Variants in RALB observed in about 807,000 individuals in gnomAD.
The protein encoded by RALB is RAS like proto-oncogene B.
A neutral mutation model predicts 21.3 loss-of-function variants in RALB; 16 were observed. The ratio of observed to expected loss-of-function variants is 0.75; its 90% CI spans 0.51 to 1.14. The LOEUF is 1.14. RALB is among the 50% of genes most tolerant of loss of function. The pLI is 0.00. For missense variants in RALB, 161 were observed against 256.2 expected, an observed-to-expected ratio of 0.63 and a Z score of 2.54; for synonymous variants, 93 against 96.1, an observed-to-expected ratio of 0.97 and a Z score of 0.19.
At chr2:120,287,123 TC>T (rs1159599984) in intron 3 of RALB, among the ~76,000 whole-genome samples, 1 of 152,240 alleles carries the variant, frequency 6.6e-6, no homozygotes, top group African/African-American at 2.4e-5. Flanking sequence ...TTTTCATTCT[TC>T]AGCAAGTTCT....
upstream of RALB, among the ~76,000 whole-genome samples, chr2:120,252,304 C>G (rs1689071753): frequency 6.6e-6 from 1 of 152,216 alleles, no homozygotes; most frequent in African/African-American, 2.4e-5. Flanking sequence ...CTCCGCCATG[C>G]ACTCACTAAC....
intron 1 of RALB, among the ~76,000 whole-genome samples, chr2:120,276,866 G>C (rs772462493): frequency 6.6e-6 from 1 of 152,190 alleles, no homozygotes; most frequent in Non-Finnish European, 1.5e-5. Flanking sequence ...CATTGAACTA[G>C]TTCTAGGGTC....
intron 1 of RALB, among the ~76,000 whole-genome samples, chr2:120,266,348 G>A (rs1318663095): frequency 2.0e-5 from 3 of 152,198 alleles, no homozygotes; most frequent in South Asian, 2.1e-4. Flanking sequence ...GGGTTCAAGC[G>A]ATTATCCTGC....
intron 1 of RALB, among the ~76,000 whole-genome samples, chr2:120,277,256 A>C (rs1452841908): frequency 6.6e-6 from 1 of 152,002 alleles, no homozygotes; most frequent in African/African-American, 2.4e-5. Flanking sequence ...AAAGTGTATG[A>C]GAGCATAAGA....
At chr2:120,271,124 C>T (rs894446332) in intron 1 of RALB, among the ~76,000 whole-genome samples, 3 of 152,202 alleles carry the variant, frequency 2.0e-5, no homozygotes, top group Non-Finnish European at 4.4e-5. Flanking sequence ...TTGGACACGA[C>T]TTACCAACGC....
chr2:120,291,435 A>T (rs954138448), intron 4 of RALB, among the ~76,000 whole-genome samples: 102 of 152,244 alleles, frequency 6.7e-4, no homozygotes, highest in African/African-American at 2.3e-3. Flanking sequence ...GGCTCATTTT[A>T]AAAAAATCAG....
intron 1 of RALB, among the ~76,000 whole-genome samples, chr2:120,275,701 A>G (rs1689775821): frequency 6.6e-6 from 1 of 152,134 alleles, no homozygotes; most frequent in South Asian, 2.1e-4. Context: ...GTCAGCAGTA[A>G]GGGAAATAGG....
intron 1 of RALB, among the ~76,000 whole-genome samples, chr2:120,278,214 G>C (rs1326961806): frequency 6.6e-6 from 1 of 152,154 alleles, no homozygotes; most frequent in Admixed American, 6.5e-5. Flanking sequence ...TAAAGCTAAA[G>C]AGCTGGGGAT....
chr2:120,250,803 T>C (rs1051435204), upstream of RALB, among the ~76,000 whole-genome samples: 4 of 152,122 alleles, frequency 2.6e-5, no homozygotes, highest in African/African-American at 9.7e-5. Context: ...CCTTCTCCCG[T>C]TGGGACACGT....
chr2:120,293,352 C>G lies in RALB; in HGVS notation c.*92C>G, dbSNP rs1033200284. 7.6e-7 allele frequency: 1 copy of G among 1,313,744 alleles called. No individual in the cohort carries two copies. The highest frequency in any genetic ancestry group is 1.5e-5 in the African/African-American group (1 of 65,160). The allele number at this position is 1,313,744 out of a possible 1,614,324, so 81.4% of individuals were successfully genotyped here. Reference sequence around the variant, plus strand: ...TATGGTTGACTTCTTGCTTGTGCTTCCCACTCTCCCCGACTTCATTCACTC... The same window carrying G: ...TATGGTTGACTTCTTGCTTGTGCTTGCCACTCTCCCCGACTTCATTCACTC... On this transcript the variant is annotated 3_prime_UTR_variant, in exon 5 of 5. Coordinates refer to ENST00000272519, the MANE Select transcript of RALB (RefSeq NM_002881.3).
intron 1 of RALB, among the ~76,000 whole-genome samples, chr2:120,268,309 C>T (rs967200925): frequency 4.3e-5 from 5 of 115,364 alleles, no homozygotes; most frequent in Non-Finnish European, 8.2e-5. Flanking sequence ...CCTCGGCCTC[C>T]TTCCTGTAGC....
chr2:120,291,469 G>A (rs1225450256), intron 4 of RALB, among the ~76,000 whole-genome samples: 1 of 152,152 alleles, frequency 6.6e-6, no homozygotes, highest in Non-Finnish European at 1.5e-5. Context: ...GCTTGGAACT[G>A]TGGATGTGTA....
rs377379125 is a variant in RALB, at chr2:120,258,771, TC to T, written c.-48+5793del. ...GAGGCAATGGGAGTCAAAAATGACT[TC>T]CAGGTCCCTGGCTTTGGTAACGATA... On this transcript the variant is annotated intron_variant, in intron 1 of 4. Coordinates refer to ENST00000272519, the MANE Select transcript of RALB (RefSeq NM_002881.3). Among the ~76,000 whole-genome samples, 14 of 152,352 alleles carry T rather than the reference TC, an allele frequency of 9.2e-5. No homozygotes were observed. In the South Asian group the frequency reaches 2.5e-3, roughly 27 times the overall value.
chr2:120,257,769 C>T (rs75330676), intron 1 of RALB, among the ~76,000 whole-genome samples: 12,124 of 152,246 alleles, frequency 0.08, 646 homozygotes, highest in Non-Finnish European at 0.12. Context: ...TCTTTTCTTT[C>T]ATTCTACTTT....
In RALB at chr2:120,294,405, A is replaced by T. The variant is rs1404514816; in HGVS notation, c.*1145A>T. The T allele has an allele frequency of 5.0e-6, 2 of 397,702 alleles. No individual in the cohort carries two copies. Among genetic ancestry groups the T allele is most frequent in the Admixed American group, 8.8e-5 (2 of 22,708 alleles). 24.6% of individuals were successfully genotyped at this position (397,702 alleles called of 1,614,324 possible). A position where few individuals can be genotyped will look rare whatever the true frequency, so the allele number is the denominator to read the frequency against. The stretch of plus-strand genomic sequence containing the variant: ...AAGATAGCCAGATAGTTAGAAAAAG[A>T]TTTTCATTGATGACATATCTTTAAA... On this transcript the variant is annotated 3_prime_UTR_variant, in exon 5 of 5. Transcript: ENST00000272519.
Position 120,294,461 on chromosome 2 carries a change from A to C in RALB, c.*1201A>C, listed in dbSNP as rs1350138994. 2 of 392,496 alleles carry C rather than the reference A, an allele frequency of 5.1e-6. No individual in the cohort carries two copies. Among genetic ancestry groups the C allele is most frequent in the Non-Finnish European group, 9.0e-6 (2 of 222,742 alleles). 24.3% of individuals were successfully genotyped at this position (392,496 alleles called of 1,614,324 possible). ...TTGCATCAGTATTCTAAATTGAGCA[A>C]ACTGAAAGATTTTCATCAGGAAAGG... On this transcript the variant is annotated 3_prime_UTR_variant, in exon 5 of 5. Coordinates refer to ENST00000272519, the MANE Select transcript of RALB (RefSeq NM_002881.3).
chr2:120,288,468 A>T (rs1304001994), intron 3 of RALB, among the ~76,000 whole-genome samples: 1 of 147,312 alleles, frequency 6.8e-6, no homozygotes, highest in African/African-American at 2.5e-5. Flanking sequence ...TACAGATGTG[A>T]GCCACCACGC....
At chr2:120,247,888 A>G (rs1573316268), upstream of RALB, among the ~76,000 whole-genome samples, 1 of 152,032 alleles carries the variant, frequency 6.6e-6, no homozygotes, top group Non-Finnish European at 1.5e-5. Flanking sequence ...TCCTCTAAAG[A>G]CCTCCCACAG....
chr2:120,268,859 G>C (rs961997576), intron 1 of RALB, among the ~76,000 whole-genome samples: 1 of 152,144 alleles, frequency 6.6e-6, no homozygotes, highest in African/African-American at 2.4e-5. Flanking sequence ...GGAAAGAAAA[G>C]AAGGAAAGTC....
Sources: allele counts gnomAD v4.1 joint callset (sites outside exome capture counted in the v4.1 genomes callset), GRCh38; gene constraint gnomAD v4.1.1; transcripts MANE v1.5; gene names NCBI Gene and HGNC (gene_info 2026-07-23, HGNC 2026-07-21).